The following ELN variants were observed in gnomAD, a reference collection of about 807,000 sequenced individuals.
The protein encoded by ELN is elastin.
In ELN, 65 loss-of-function variants were observed where a neutral mutation model predicts 105.8. The observed-to-expected ratio is 0.61, with a 90% CI of 0.50 to 0.75. The LOEUF (loss-of-function observed/expected upper bound fraction) is 0.75. Ranked by LOEUF, ELN falls within the 30% of genes least tolerant of loss-of-function variation. The pLI is 0.00. For missense variants in ELN, 882 were observed against 969.4 expected, an observed-to-expected ratio of 0.91 and a Z score of 1.20; for synonymous variants, 368 against 389.2, an observed-to-expected ratio of 0.95 and a Z score of 0.64.
chr7:74,052,062 G>A, intron 17 of ELN, 79 bp downstream of exon 17: 1 of 1,554,036 alleles, frequency 6.4e-7, no homozygotes, highest in Non-Finnish European at 8.8e-7. Flanking sequence ...AAAGCCAGAT[G>A]GACTTGGCCT....
chr7:74,029,407 C>T (rs1412077250), intron 1 of ELN, among the ~76,000 whole-genome samples: 3 of 152,000 alleles, frequency 2.0e-5, no homozygotes, highest in Non-Finnish European at 4.4e-5. Flanking sequence ...TGCTATGCCG[C>T]GGCCAACGGG....
chr7:74,054,850 C>A, intron 19 of ELN, 81 bp downstream of exon 19: 2 of 1,514,292 alleles, frequency 1.3e-6, no homozygotes, highest in Non-Finnish European at 1.8e-6. Flanking sequence ...TCTACTTGCC[C>A]AGAGAAGGGA....
chr7:74,057,415 T>G, intron 21 of ELN: 1 of 1,514,924 alleles, frequency 6.6e-7, no homozygotes, highest in African/African-American at 1.4e-5. Context: ...GGTGGGCTAG[T>G]GCCAGGTGCC....
chr7:74,050,100 T>C (rs1793664727), intron 15 of ELN, among the ~76,000 whole-genome samples: 1 of 150,916 alleles, frequency 6.6e-6, no homozygotes. Flanking sequence ...TATTCCTCCA[T>C]GCATCCATCC....
At chr7:74,064,266 T>A (rs1797416252) in intron 29 of ELN, among the ~76,000 whole-genome samples, 1 of 151,156 alleles carries the variant, frequency 6.6e-6, no homozygotes, top group African/African-American at 2.4e-5. Context: ...ATACAAAAAA[T>A]TAGCTGGGCG....
At chr7:74,035,105 T>C (rs1554664650) in intron 1 of ELN, among the ~76,000 whole-genome samples, 1 of 152,130 alleles carries the variant, frequency 6.6e-6, no homozygotes, top group Non-Finnish European at 1.5e-5. Context: ...CGTCTCAGTC[T>C]CAAACAAAAC....
In ELN at chr7:74,065,736, A is replaced by T. The variant is rs782604478; in HGVS notation, c.2032+4A>T. On this transcript the variant is annotated splice_donor_region_variant and intron_variant, in intron 30 of 32. Coordinates refer to ENST00000252034, the MANE Select transcript of ELN (RefSeq NM_000501.4). ...GCCGCTAAAGCAGCTAAATACGGTG[A>T]GTTCCCCTCTGATGCCTTCCTGCCA... is the stretch of plus-strand genomic sequence containing the variant. 6.2e-7 allele frequency: 1 copy of T among 1,613,694 alleles called. No individual in the cohort carries two copies. The highest frequency in any genetic ancestry group is 1.3e-5 in the African/African-American group (1 of 74,770).
chr7:74,052,226 C>T, intron 17 of ELN: 1 of 565,412 alleles, frequency 1.8e-6, no homozygotes, highest in Non-Finnish European at 3.2e-6. Flanking sequence ...ACTCCATCCC[C>T]TCCAGGGCCA....
intron 19 of ELN, 101 bp from the exon 20 acceptor site, chr7:74,056,170 G>T: frequency 6.6e-7 from 1 of 1,503,938 alleles, no homozygotes; most frequent in Non-Finnish European, 9.3e-7. Context: ...CAAGGCCTGG[G>T]GGAAATTTAC....
At position 74,065,677 on chromosome 7, in the gene ELN, G is replaced by A; in HGVS notation, c.1994-17G>A. 6.2e-7 allele frequency: 1 copy of A among 1,611,800 alleles called. No homozygotes were observed. The highest frequency in any genetic ancestry group is 2.2e-5 in the East Asian group (1 of 44,812). Reference sequence around the variant, plus strand: ...GGCATTGGCATTCCTGAGCCGTCATGTGCCTCATCTCCCCAGGTATACCTC... The same window carrying A: ...GGCATTGGCATTCCTGAGCCGTCATATGCCTCATCTCCCCAGGTATACCTC... On this transcript the variant is annotated splice_polypyrimidine_tract_variant and intron_variant, in intron 29 of 32. Transcript: ENST00000252034.
At chr7:74,031,834 CAGAA>C (rs1178592560) in intron 1 of ELN, among the ~76,000 whole-genome samples, 22 of 119,470 alleles carry the variant, frequency 1.8e-4, no homozygotes, top group Admixed American at 5.9e-4. Flanking sequence ...GAGAGAGAGA[CAGAA>C]AGAAAGAAAG....
At chr7:74,041,105 A>C (rs1425855801) in intron 4 of ELN, 111 bp from the exon 5 acceptor site, 4 of 1,423,332 alleles carry the variant, frequency 2.8e-6, no homozygotes, top group Non-Finnish European at 4.0e-6. Context: ...CTTAGGGACC[A>C]GCCTAGGGAC....
At chr7:74,062,543 GTTGTTTGT>G (rs541803683) in intron 26 of ELN, among the ~76,000 whole-genome samples, 8 of 151,900 alleles carry the variant, frequency 5.3e-5, no homozygotes, top group Admixed American at 3.9e-4. Context: ...TACTATTACC[GTTGTTTGT>G]TTGTTTGTTT....
chr7:74,059,712 C>A lies in ELN; in HGVS notation c.1415-174C>A, dbSNP rs1351331955. On this transcript the variant is annotated intron_variant, in intron 22 of 32. Coordinates refer to ENST00000252034, the MANE Select transcript of ELN (RefSeq NM_000501.4). ...AAAAACAAAGTTATGAACTCCTGAG[C>A]CTGCACACACTTCATATTAGGGAGG... 1.4e-5 allele frequency: 10 copies of A among 727,982 alleles called. No homozygotes were observed. The East Asian group carries it at 2.0e-4, about 14-fold the overall frequency. 45.1% of individuals were successfully genotyped at this position (727,982 alleles called of 1,614,324 possible). A position where few individuals can be genotyped will look rare whatever the true frequency, so the allele number is the denominator to read the frequency against.
At chr7:74,059,086 T>TAA (rs74527092) in intron 22 of ELN, among the ~76,000 whole-genome samples, 2 of 143,994 alleles carry the variant, frequency 1.4e-5, no homozygotes, top group African/African-American at 2.5e-5. Flanking sequence ...ATGCCCAGTT[T>TAA]AAAAAAAAAA....
chr7:74,051,547 T>C (rs782038829), intron 15 of ELN, among the ~76,000 whole-genome samples: 2 of 152,018 alleles, frequency 1.3e-5, no homozygotes, highest in Non-Finnish European at 2.9e-5. Context: ...CCTTAATGAG[T>C]GTGTTGAAAT....
At chr7:74,051,279 C>T (rs1793966146) in intron 15 of ELN, among the ~76,000 whole-genome samples, 1 of 152,228 alleles carries the variant, frequency 6.6e-6, no homozygotes, top group Admixed American at 6.5e-5. Flanking sequence ...AGGCCCCCCT[C>T]CCAGCACCCG....
chr7:74,047,856 A>G, intron 13 of ELN, 140 bp downstream of exon 13: 1 of 1,268,288 alleles, frequency 7.9e-7, no homozygotes, highest in Non-Finnish European at 1.1e-6. Context: ...GAATCTCAGA[A>G]GGAAAGGGCA....
In ELN at chr7:74,057,647, G is replaced by GA; in HGVS notation, c.1366dup (p.Thr456AsnfsTer8). 6.2e-7 allele frequency: 1 copy of GA among 1,613,922 alleles called. No individual in the cohort carries two copies. Among genetic ancestry groups the GA allele is most frequent in the Non-Finnish European group, 8.5e-7 (1 of 1,180,000 alleles). On this transcript the variant is annotated frameshift_variant, in exon 22 of 33. Coordinates refer to ENST00000252034, the MANE Select transcript of ELN (RefSeq NM_000501.4). ...TTCTCTTCACACCTCCAGGAGTGGG[G>GA]ACCCCAGCAGCTGCAGCTGCTAAAG...
Sources: gnomAD v4.1 joint callset for allele counts (sites outside exome capture counted in the v4.1 genomes callset) on GRCh38, gnomAD v4.1.1 for gene constraint, MANE v1.5 for transcripts, NCBI Gene and HGNC (gene_info 2026-07-23, HGNC 2026-07-21) for gene names.